Variants in PTCH1 observed in about 807,000 individuals in gnomAD.
PTCH1 encodes patched 1, also known as protein patched homolog 1.
PTCH1 carries 14 observed loss-of-function variants against 144.6 expected under a neutral mutation model. The ratio of observed to expected loss-of-function variants is 0.10; its 90% CI spans 0.06 to 0.15. PTCH1 has a LOEUF of 0.15. Ranked by LOEUF, PTCH1 falls within the 10% of genes least tolerant of loss-of-function variation. PTCH1 has a pLI of 1.00. For synonymous variants in PTCH1, 833 were observed against 793.6 expected, an observed-to-expected ratio of 1.05 and a Z score of -0.83; for missense variants, 1,623 against 1,948.3, an observed-to-expected ratio of 0.83 and a Z score of 3.14.
chr9:95,499,318 A>C (rs549525382), intron 2 of PTCH1, among the ~76,000 whole-genome samples: 2 of 151,106 alleles, frequency 1.3e-5, no homozygotes, highest in South Asian at 4.2e-4. Context: ...TGCAAATGGC[A>C]GCTCTGTATC....
chr9:95,504,105 A>G (rs1265814688), intron 2 of PTCH1, among the ~76,000 whole-genome samples: 1 of 151,592 alleles, frequency 6.6e-6, no homozygotes, highest in East Asian at 1.9e-4. Flanking sequence ...GGCATGCGAT[A>G]ATATATAACA....
At chr9:95,510,513 ATTT>A (rs200287760), upstream of PTCH1, among the ~76,000 whole-genome samples, 1,561 of 152,260 alleles carry the variant, frequency 0.01, 15 homozygotes, top group African/African-American at 0.032. Context: ...ATTTAAAAAA[ATTT>A]TTGTTTTCGG....
chr9:95,494,293 C>G (rs995789333), intron 2 of PTCH1: 1 of 985,436 alleles, frequency 1.0e-6, no homozygotes, highest in African/African-American at 1.7e-5. Flanking sequence ...ATCAGGTCAG[C>G]CCGGCACTCT....
chr9:95,447,371 G>A lies in PTCH1; in HGVS notation c.3885C>T (p.Pro1295=), dbSNP rs267602323. ...QPHLDSGSLP[P]GRQGQQPRRD... is the part of the protein sequence containing the mutation. ...TGCGGGGCTGCTGGCCTTGCCGTCC[G>A]GGAGGCAGGGACCCTGAGTCCAGGT... is the stretch of plus-strand genomic sequence containing the variant. Residue 1295 remains proline, a synonymous_variant, in exon 23 of 24, where the codon CCC becomes CCT. Transcript: ENST00000331920. 12 of 1,613,010 alleles carry A rather than the reference G, an allele frequency of 7.4e-6. No homozygotes were observed. Among genetic ancestry groups the A allele is most frequent in the Middle Eastern group, 1.7e-4 (1 of 6,060 alleles).
At chr9:95,502,081 C>T (rs564956929) in intron 2 of PTCH1, among the ~76,000 whole-genome samples, 7 of 152,164 alleles carry the variant, frequency 4.6e-5, no homozygotes, top group Non-Finnish European at 7.4e-5. Context: ...CCAACCTCAA[C>T]GACCCACAAA....
At chr9:95,511,085 C>T (rs939520261), upstream of PTCH1, among the ~76,000 whole-genome samples, 4 of 149,808 alleles carry the variant, frequency 2.7e-5, no homozygotes, top group Non-Finnish European at 6.0e-5. Flanking sequence ...CGCGACCGGC[C>T]AATGGTCGCG....
chr9:95,449,694 C>G lies in PTCH1; in HGVS notation c.3549+147G>C. 1 of 866,416 alleles carries G rather than the reference C, an allele frequency of 1.2e-6. No individual in the cohort carries two copies. Among genetic ancestry groups the G allele is most frequent in the South Asian group, 1.5e-5 (1 of 67,014 alleles). 53.7% of individuals were successfully genotyped at this position (866,416 alleles called of 1,614,324 possible). ...CCTCTAGCCCTCAAAGCCAGTACAC[C>G]GAAGAGGAAAACAGACATGACTCTG... On this transcript the variant is annotated intron_variant, in intron 21 of 23. Transcript: ENST00000331920. The surrounding 1 kb of genome is among the most constrained non-coding windows in gnomAD (Gnocchi z 5.3).
chr9:95,463,411 TCAGA>T (rs1167032331), intron 15 of PTCH1, among the ~76,000 whole-genome samples: 1 of 152,038 alleles, frequency 6.6e-6, no homozygotes, highest in Admixed American at 6.5e-5. Flanking sequence ...CGTGCACCTC[TCAGA>T]CAGACGGGTT....
chr9:95,479,280 T>C, intron 7 of PTCH1, 133 bp from the exon 8 acceptor site: 1 of 1,136,492 alleles, frequency 8.8e-7, no homozygotes, highest in Non-Finnish European at 1.3e-6. Flanking sequence ...CATGTTTCCA[T>C]TAAAATGGGA....
chr9:95,463,884 C>G (rs916239009), intron 15 of PTCH1, among the ~76,000 whole-genome samples: 1 of 152,136 alleles, frequency 6.6e-6, no homozygotes, highest in Admixed American at 6.5e-5. Flanking sequence ...GGGGACACAC[C>G]GTGGTACCCA....
exon 1 of PTCH1, chr9:95,516,560 GC>G (rs989748977): frequency 6.5e-7 from 1 of 1,548,708 alleles, no homozygotes; most frequent in South Asian, 1.2e-5. Flanking sequence ...TTTTTCCCTG[GC>G]CCCCCTTTCC....
chr9:95,508,120 A>T (rs1843878437), intron 1 of PTCH1, 41 bp downstream of exon 1: 1 of 1,609,098 alleles, frequency 6.2e-7, no homozygotes. Context: ...AAAGAGTTAG[A>T]GGAGGGAAGA....
chr9:95,483,410 G>GA (rs113335239), intron 3 of PTCH1: 1,398 of 109,792 alleles, frequency 0.013, 7 homozygotes, highest in Middle Eastern at 0.023. Flanking sequence ...CCAAGGGAAG[G>GA]AAAAAAAAAA....
rs938542554 is a variant in PTCH1 at position 95,494,513 on chromosome 9, G to C, written c.395-8639C>G. The C allele has an allele frequency of 2.7e-5, 25 of 925,538 alleles. No individual in the cohort carries two copies. In the African/African-American group the frequency reaches 4.3e-4, roughly 16 times the overall value. 57.3% of individuals were successfully genotyped at this position (925,538 alleles called of 1,614,324 possible). ...CACAGGCGGAAATGTCTTCCATCCG[G>C]AACAGCGTACTTTCCAAGCTGGGAA... On this transcript the variant is annotated intron_variant, in intron 2 of 23. Transcript: ENST00000331920.
At chr9:95,490,297 A>T (rs1842291965) in intron 2 of PTCH1, among the ~76,000 whole-genome samples, 1 of 151,744 alleles carries the variant, frequency 6.6e-6, no homozygotes, top group African/African-American at 2.4e-5. Flanking sequence ...ACACAGATAA[A>T]CGTATTTATC....
chr9:95,505,897 C>T (rs1233156071), intron 2 of PTCH1, among the ~76,000 whole-genome samples: 1 of 148,732 alleles, frequency 6.7e-6, no homozygotes, highest in East Asian at 1.9e-4. Context: ...CCCCGGCCCT[C>T]CCCAGCGCGG....
intron 2 of PTCH1, among the ~76,000 whole-genome samples, chr9:95,489,141 T>C (rs1021531487): frequency 1.3e-5 from 2 of 152,178 alleles, no homozygotes; most frequent in South Asian, 2.1e-4. Context: ...CCCTTCAGGA[T>C]AGAGCAATTT....
At position 95,476,122 on chromosome 9, in the gene PTCH1, C is replaced by A. The variant is rs1564047095; in HGVS notation, c.1640G>T (p.Ser547Ile). Residue 547 changes from serine to isoleucine, a missense_variant, in exon 12 of 24, where the codon AGC becomes ATC. By Grantham distance (142) the Ser-to-Ile change is moderately radical. Transcript: ENST00000331920. The surrounding 1 kb of genome is among the most constrained non-coding windows in gnomAD (Gnocchi z 4.6). ...ATTGCTGATGGACGTGAGGGCCACG[C>A]TGGCTCCTGTGCGCTTCAGGCACTC... is the stretch of plus-strand genomic sequence containing the variant. Reference protein sequence around the residue: ...TGECLKRTGASVALTSISNVT... With the variant: ...TGECLKRTGAIVALTSISNVT... 6.2e-7 allele frequency: 1 copy of A among 1,613,646 alleles called. No homozygotes were observed. Among genetic ancestry groups the A allele is most frequent in the Non-Finnish European group, 8.5e-7 (1 of 1,179,834 alleles).
At chr9:95,516,857 G>T in exon 1 of PTCH1, 1 of 1,543,028 alleles carries the variant, frequency 6.5e-7, no homozygotes, top group Admixed American at 2.0e-5. Flanking sequence ...GCCATAGGCA[G>T]GACCTGTCAG....
Sources: allele counts gnomAD v4.1 joint callset (sites outside exome capture counted in the v4.1 genomes callset), GRCh38; gene constraint gnomAD v4.1.1; non-coding constraint Gnocchi (gnomAD v3.1); transcripts MANE v1.5; gene names NCBI Gene and HGNC (gene_info 2026-07-23, HGNC 2026-07-21).